Variants in AJAP1 observed in about 807,000 individuals in gnomAD.
AJAP1 encodes adherens junction-associated protein 1.
AJAP1 carries 5 observed loss-of-function variants against 35.0 expected under a neutral mutation model. The observed-to-expected ratio is 0.14, with a 90% CI of 0.07 to 0.30. The LOEUF is 0.30. Among genes scored for constraint, AJAP1 ranks in the 10% least tolerant of loss-of-function variants. The pLI is 1.00. For missense variants in AJAP1, 586 were observed against 571.0 expected (o/e 1.03, Z -0.27); for synonymous variants, 284 against 249.3 (o/e 1.14, Z -1.31).
intron 1 of AJAP1, among the ~76,000 whole-genome samples, chr1:4,659,425 C>A (rs1638954297): frequency 6.6e-6 from 1 of 152,202 alleles, no homozygotes; most frequent in Non-Finnish European, 1.5e-5. Context: ...CGACTCCATT[C>A]TTTCTTCCTC....
chr1:4,712,927 A>G (rs1321762252), intron 2 of AJAP1, among the ~76,000 whole-genome samples: 1 of 152,170 alleles, frequency 6.6e-6, no homozygotes, highest in Non-Finnish European at 1.5e-5. Flanking sequence ...GTATGTACCT[A>G]GAAGTGGGCG....
chr1:4,711,886 T>TC lies in AJAP1; in HGVS notation c.30-7dup, dbSNP rs559269335. ...TTCCACTGACCGCTCTTCTCTCCTT[T>TC]CCCCCCCGCACAGCTCCATGTCCAT... is the stretch of plus-strand genomic sequence containing the variant. On this transcript the variant is annotated splice_polypyrimidine_tract_variant and intron_variant, in intron 1 of 5. Coordinates refer to ENST00000378191, the MANE Select transcript of AJAP1 (RefSeq NM_018836.4). 5.7e-4 allele frequency: 824 copies of TC among 1,444,946 alleles called. 3 individuals are homozygous for TC. The highest frequency in any genetic ancestry group is 2.1e-3 in the South Asian group (138 of 65,770). 89.5% of individuals were successfully genotyped at this position (1,444,946 alleles called of 1,614,324 possible). A position where few individuals can be genotyped will look rare whatever the true frequency, so the allele number is the denominator to read the frequency against.
chr1:4,694,846 G>A (rs1038206995), intron 1 of AJAP1, among the ~76,000 whole-genome samples: 10 of 152,218 alleles, frequency 6.6e-5, no homozygotes, highest in Non-Finnish European at 1.2e-4. Flanking sequence ...GAACAGAGGA[G>A]GCTGTGCAGG....
intron 5 of AJAP1, among the ~76,000 whole-genome samples, chr1:4,779,757 T>C (rs1041425632): frequency 3.3e-5 from 5 of 152,078 alleles, no homozygotes; most frequent in African/African-American, 1.2e-4. Flanking sequence ...CGGGACCCAG[T>C]GTAGGGTCTC....
At chr1:4,699,325 T>C (rs193133741) in intron 1 of AJAP1, among the ~76,000 whole-genome samples, 258 of 152,358 alleles carry the variant, frequency 1.7e-3, no homozygotes, top group African/African-American at 6.0e-3. Flanking sequence ...CACGTACTTG[T>C]TTCCAGAGGC....
rs1191602764 is a variant in AJAP1 at position 4,693,010 on chromosome 1, G to A, written c.30-18890G>A. Among the ~76,000 whole-genome samples the A allele has an allele frequency of 6.6e-6, 1 of 152,190 alleles. No individual in the cohort carries two copies. The highest frequency in any genetic ancestry group is 1.5e-5 in the Non-Finnish European group (1 of 68,038). On this transcript the variant is annotated intron_variant, in intron 1 of 5. Transcript: ENST00000378191. This position sits in a 1 kb window ranked among gnomAD's most constrained non-coding sequence, Gnocchi z 4.4. Reference sequence around the variant, plus strand: ...AAGCAGTTAATATTTCTATTACAGTGTAATTAATACTAAATAAGAATTGAG... The same window carrying A: ...AAGCAGTTAATATTTCTATTACAGTATAATTAATACTAAATAAGAATTGAG...
chr1:4,671,224 C>A (rs1318610380), intron 1 of AJAP1, among the ~76,000 whole-genome samples: 1 of 152,104 alleles, frequency 6.6e-6, no homozygotes, highest in Non-Finnish European at 1.5e-5. Flanking sequence ...CAAAAAATAG[C>A]AGGGCATGGT....
chr1:4,775,878 C>G (rs1198292072), intron 5 of AJAP1, among the ~76,000 whole-genome samples: 1 of 152,212 alleles, frequency 6.6e-6, no homozygotes, highest in African/African-American at 2.4e-5. Flanking sequence ...CCGCAGCTCC[C>G]CTCATGAAGG....
intron 1 of AJAP1, among the ~76,000 whole-genome samples, chr1:4,664,645 G>A (rs1159692310): frequency 6.6e-6 from 1 of 152,030 alleles, no homozygotes; most frequent in African/African-American, 2.4e-5. Context: ...GAGAGCTGGC[G>A]ATTTTGCTCA....
rs750430443 is a variant in AJAP1, at chr1:4,782,878, A to G, written c.*393A>G. On this transcript the variant is annotated 3_prime_UTR_variant, in exon 6 of 6. Transcript: ENST00000378191. This position sits in a 1 kb window ranked among gnomAD's most constrained non-coding sequence, Gnocchi z 5.3. ...GTCCTACGATTCTGAACCTGTGCCA[A>G]TAATACCATTATGTGCCATGTACTG... The G allele has an allele frequency of 7.5e-6, 3 of 398,508 alleles. No individual in the cohort carries two copies. The highest frequency in any genetic ancestry group is 6.2e-4 in the Middle Eastern group (1 of 1,610). 24.7% of individuals were successfully genotyped at this position (398,508 alleles called of 1,614,324 possible). A position where few individuals can be genotyped will look rare whatever the true frequency, so the allele number is the denominator to read the frequency against.
At chr1:4,684,806 CAACTTGCCTCACCT>C (rs1318497163) in intron 1 of AJAP1, among the ~76,000 whole-genome samples, 1 of 152,118 alleles carries the variant, frequency 6.6e-6, no homozygotes, top group Admixed American at 6.5e-5. Flanking sequence ...TGATTCCATT[CAACTTGCCTCACCT>C]CCCCCAGCCC....
At chr1:4,749,005 G>A (rs1641261337) in intron 2 of AJAP1, among the ~76,000 whole-genome samples, 1 of 152,172 alleles carries the variant, frequency 6.6e-6, no homozygotes, top group Admixed American at 6.5e-5. Context: ...CCGCAGGAGT[G>A]GACTGAGCCA....
intron 2 of AJAP1, among the ~76,000 whole-genome samples, chr1:4,748,108 C>T (rs972664652): frequency 1.3e-5 from 2 of 152,142 alleles, no homozygotes; most frequent in African/African-American, 4.8e-5. Flanking sequence ...ACAGTGTCAA[C>T]CTGGCCATCC....
intron 1 of AJAP1, among the ~76,000 whole-genome samples, chr1:4,674,436 G>C (rs571355534): frequency 6.6e-6 from 1 of 152,242 alleles, no homozygotes; most frequent in Admixed American, 6.5e-5. Flanking sequence ...CATAAGGACA[G>C]AGTTGAGTGG....
At chr1:4,749,919 T>C (rs1218498872) in intron 2 of AJAP1, among the ~76,000 whole-genome samples, 1 of 152,200 alleles carries the variant, frequency 6.6e-6, no homozygotes, top group Non-Finnish European at 1.5e-5. Context: ...TGTGCTCATA[T>C]ATGCTAGTGT....
At position 4,712,360 on chromosome 1, in the gene AJAP1, C is replaced by A; in HGVS notation, c.490C>A (p.Leu164Ile). Residue 164 changes from leucine (L) to isoleucine (I), a missense_variant, in exon 2 of 6, where the codon CTC (leucine) becomes ATC (isoleucine). Coordinates refer to ENST00000378191, the MANE Select transcript of AJAP1 (RefSeq NM_018836.4). ...RGKRHLQGDG[L>I]SSFDSRGSRP... ...CAAGAGGCACCTGCAGGGGGACGGT[C>A]TCAGCAGCTTCGACTCCAGAGGCAG... The A allele has an allele frequency of 6.6e-7, 1 of 1,519,550 alleles. No homozygotes were observed. The highest frequency in any genetic ancestry group is 2.1e-5 in the Admixed American group (1 of 48,644). The allele number at this position is 1,519,550 out of a possible 1,614,324, so 94.1% of individuals were successfully genotyped here. A position where few individuals can be genotyped will look rare whatever the true frequency, so the allele number is the denominator to read the frequency against.
Position 4,760,688 on chromosome 1 carries a change from G to A in AJAP1, c.830-9165G>A, listed in dbSNP as rs185768795. On this transcript the variant is annotated intron_variant, in intron 2 of 5. Coordinates refer to ENST00000378191, the MANE Select transcript of AJAP1 (RefSeq NM_018836.4). ...GATGGACAGGGCCTGGCTTCCTTCC[G>A]CCTGTAACCCATTTCATAGTCATTA... Among the ~76,000 whole-genome samples, 28 of 152,290 alleles carry A rather than the reference G, an allele frequency of 1.8e-4. No individual in the cohort carries two copies. In the East Asian group the frequency reaches 3.5e-3, roughly 19 times the overall value.
At chr1:4,736,531 C>T (rs1222037323) in intron 2 of AJAP1, among the ~76,000 whole-genome samples, 2 of 152,224 alleles carry the variant, frequency 1.3e-5, no homozygotes, top group Non-Finnish European at 2.9e-5. Flanking sequence ...TTCATGCTGC[C>T]TTCCTGGTTG....
chr1:4,735,054 C>T (rs1037987622), intron 2 of AJAP1, among the ~76,000 whole-genome samples: 6 of 152,306 alleles, frequency 3.9e-5, no homozygotes, highest in East Asian at 1.9e-4. Flanking sequence ...ATGAGCTCCG[C>T]GTGCTTGGCG....
Sources: gnomAD v4.1 joint callset for allele counts (sites outside exome capture counted in the v4.1 genomes callset) on GRCh38, gnomAD v4.1.1 for gene constraint, Gnocchi (gnomAD v3.1) non-coding constraint, MANE v1.5 for transcripts, NCBI Gene and HGNC (gene_info 2026-07-23, HGNC 2026-07-21) for gene names.